SPAG16: variants seen among roughly 807,000 people sequenced by gnomAD.
The protein encoded by SPAG16 is sperm-associated antigen 16 protein.
A neutral mutation model predicts 80.4 loss-of-function variants in SPAG16; 86 were observed. The ratio of observed to expected loss-of-function variants is 1.07; its 90% CI spans 0.90 to 1.28. The LOEUF is 1.28. Ranked by LOEUF, SPAG16 falls within the 50% of genes most tolerant of loss-of-function variation. The probability of loss-of-function intolerance (pLI) is 0.00; values close to 1 mark genes in which losing one functional copy is unlikely to be tolerated. For missense variants in SPAG16, 870 were observed against 765.3 expected (o/e 1.14, Z -1.61); for synonymous variants, 294 against 265.9 (o/e 1.11, Z -1.03).
intron 9 of SPAG16, among the ~76,000 whole-genome samples, chr2:213,435,224 TATG>T (rs1271092517): frequency 2.0e-5 from 3 of 152,200 alleles, no homozygotes; most frequent in Admixed American, 6.5e-5. Context: ...ATTAAAAGGA[TATG>T]ATGTCATTGT....
chr2:214,064,859 T>C lies in SPAG16; in HGVS notation c.1528-43337T>C, dbSNP rs575488554. 7.2e-5 allele frequency among the ~76,000 whole-genome samples: 11 copies of C among 152,156 alleles called. No individual in the cohort carries two copies. In the East Asian group the frequency reaches 1.7e-3, roughly 24 times the overall value. On this transcript the variant is annotated intron_variant, in intron 13 of 15. Coordinates refer to ENST00000331683, the MANE Select transcript of SPAG16 (RefSeq NM_024532.5). ...TATAGATTGAATTAAAAAGAAAATA[T>C]GACCAAAAAAGAGGGTCTATTTAAT...
chr2:213,715,517 G>A (rs1305038591), intron 10 of SPAG16, among the ~76,000 whole-genome samples: 1 of 152,126 alleles, frequency 6.6e-6, no homozygotes, highest in Non-Finnish European at 1.5e-5. Context: ...ATATCCTGGG[G>A]AAGGTGTTGT....
chr2:214,170,486 A>C (rs1326008686), intron 15 of SPAG16, among the ~76,000 whole-genome samples: 2 of 152,050 alleles, frequency 1.3e-5, no homozygotes, highest in African/African-American at 4.8e-5. Context: ...CTTGAAGTTC[A>C]ATAGCTTAGA....
intron 13 of SPAG16, among the ~76,000 whole-genome samples, chr2:214,041,648 A>G (rs148776962): frequency 8.6e-4 from 131 of 151,660 alleles, no homozygotes; most frequent in African/African-American, 3.1e-3. Context: ...ACTTCACCAT[A>G]TAATTTCCAA....
intron 10 of SPAG16, among the ~76,000 whole-genome samples, chr2:213,724,492 A>G (rs1364593043): frequency 6.6e-6 from 1 of 151,914 alleles, no homozygotes; most frequent in African/African-American, 2.4e-5. Flanking sequence ...AAAAGGATAA[A>G]CTGGGCCGGG....
At chr2:213,804,133 GA>G (rs2071592070) in intron 10 of SPAG16, among the ~76,000 whole-genome samples, 1 of 152,076 alleles carries the variant, frequency 6.6e-6, no homozygotes, top group Admixed American at 6.6e-5. Flanking sequence ...CGTACTAGGG[GA>G]AAATTGGGCA....
chr2:213,673,083 T>G (rs1324359752), intron 10 of SPAG16, among the ~76,000 whole-genome samples: 1 of 152,104 alleles, frequency 6.6e-6, no homozygotes, highest in Non-Finnish European at 1.5e-5. Flanking sequence ...ATTCAAAAAT[T>G]TTTAAATCTA....
rs115721005 is a variant in SPAG16, at chr2:214,257,932, C to T, written c.1720+108666C>T. Among the ~76,000 whole-genome samples, 1,086 of 151,888 alleles carry T rather than the reference C, an allele frequency of 7.2e-3. 8 individuals are homozygous for T. The highest frequency in any genetic ancestry group is 0.024 in the African/African-American group (1,015 of 41,448). On this transcript the variant is annotated intron_variant, in intron 15 of 15. Transcript: ENST00000331683. ...GCCTTCACTACTGAAACCATATGGGCGTATAGTTTTTCTTTATAGAAATAT... is the reference window on the plus strand; with the variant it reads ...GCCTTCACTACTGAAACCATATGGGTGTATAGTTTTTCTTTATAGAAATAT...
intron 10 of SPAG16, among the ~76,000 whole-genome samples, chr2:213,740,862 C>A (rs190461046): frequency 6.6e-6 from 1 of 152,314 alleles, no homozygotes; most frequent in East Asian, 1.9e-4. Flanking sequence ...TTATTGACAG[C>A]ATTCTAACCA....
chr2:213,616,694 A>G (rs2061608806), intron 10 of SPAG16, among the ~76,000 whole-genome samples: 1 of 152,224 alleles, frequency 6.6e-6, no homozygotes, highest in South Asian at 2.1e-4. Flanking sequence ...GCCTGTTTTC[A>G]TAAAGATTCC....
intron 10 of SPAG16, among the ~76,000 whole-genome samples, chr2:213,707,191 T>C (rs144018855): frequency 4.6e-5 from 7 of 152,318 alleles, no homozygotes; most frequent in Non-Finnish European, 1.0e-4. Context: ...TTCATTTACT[T>C]TGGGATAAAG....
chr2:213,356,143 C>T (rs769789349), intron 7 of SPAG16, among the ~76,000 whole-genome samples: 6 of 151,928 alleles, frequency 3.9e-5, no homozygotes, highest in African/African-American at 4.8e-5. Context: ...CTGCTGGATT[C>T]GGTTTGCCAG....
At chr2:214,371,981 G>A (rs7349270) in intron 15 of SPAG16, among the ~76,000 whole-genome samples, 4 of 151,950 alleles carry the variant, frequency 2.6e-5, no homozygotes, top group Non-Finnish European at 5.9e-5. Context: ...GCACCCAGCC[G>A]ATATGTAATA....
intron 1 of SPAG16, among the ~76,000 whole-genome samples, chr2:213,291,487 T>C (rs1237868173): frequency 6.6e-6 from 1 of 152,226 alleles, no homozygotes; most frequent in Admixed American, 6.5e-5. Context: ...TTTTGTCCAC[T>C]ACCTGACGTA....
At chr2:213,578,757 T>TC (rs1300139528) in intron 10 of SPAG16, among the ~76,000 whole-genome samples, 1 of 152,130 alleles carries the variant, frequency 6.6e-6, no homozygotes, top group Non-Finnish European at 1.5e-5. Context: ...CTATTTTTTT[T>TC]CTGCTTATAT....
chr2:213,477,339 C>A (rs866047702), intron 9 of SPAG16, among the ~76,000 whole-genome samples: 2 of 152,194 alleles, frequency 1.3e-5, no homozygotes, highest in African/African-American at 4.8e-5. Flanking sequence ...GGCCACCATC[C>A]TCCAGACCTC....
intron 14 of SPAG16, among the ~76,000 whole-genome samples, chr2:214,124,742 A>G (rs1197097180): frequency 6.6e-6 from 1 of 151,776 alleles, no homozygotes; most frequent in Non-Finnish European, 1.5e-5. Flanking sequence ...CCACGGGCAG[A>G]ACAAGAGAGT....
At chr2:213,587,566 G>A (rs1453051478) in intron 10 of SPAG16, among the ~76,000 whole-genome samples, 4 of 152,038 alleles carry the variant, frequency 2.6e-5, no homozygotes, top group African/African-American at 7.3e-5. Context: ...TTGTCCTGAT[G>A]AATAGCACCT....
chr2:214,047,703 A>G (rs1194273575), intron 13 of SPAG16, among the ~76,000 whole-genome samples: 1 of 152,188 alleles, frequency 6.6e-6, no homozygotes, highest in Non-Finnish European at 1.5e-5. Context: ...GGAACACATC[A>G]TGTTAAAAAG....
Sources: gnomAD v4.1 joint callset for allele counts (sites outside exome capture counted in the v4.1 genomes callset) on GRCh38, gnomAD v4.1.1 for gene constraint, MANE v1.5 for transcripts, NCBI Gene and HGNC (gene_info 2026-07-23, HGNC 2026-07-21) for gene names.